The following IL33 variants were observed in gnomAD, a reference collection of about 807,000 sequenced individuals.
IL33 encodes the protein interleukin-33.
IL33 carries 37 observed loss-of-function variants against 27.3 expected under a neutral mutation model. That is an observed-to-expected ratio of 1.36 (90% CI 1.04 to 1.78). The LOEUF (loss-of-function observed/expected upper bound fraction) is 1.78. IL33 is among the 40% of genes most tolerant of loss of function. The pLI, the probability that IL33 is intolerant of heterozygous loss-of-function variation, is 0.00. For missense variants in IL33, 406 were observed against 311.4 expected (o/e 1.30, Z -2.29); for synonymous variants, 132 against 102.9 (o/e 1.28, Z -1.71).
Position 6,253,594 on chromosome 9 carries a change from A to G in IL33, c.512A>G (p.Asn171Ser). The change falls in exon 6 of 8, where the codon AAT becomes AGT. Residue 171 changes from asparagine to serine, a missense_variant. Transcript: ENST00000682010. ...TACTATGAGTCTCAACACCCCTCAA[A>G]TGAATCAGGTAATTTGGAGGGCTGG... Reference protein sequence around the residue: ...LSYYESQHPSNESGDGVDGKM... With the variant: ...LSYYESQHPSSESGDGVDGKM... 6.2e-7 allele frequency: 1 copy of G among 1,607,750 alleles called. No homozygotes were observed. The highest frequency in any genetic ancestry group is 8.5e-7 in the Non-Finnish European group (1 of 1,175,422).
chr9:6,252,066 C>A (rs925529431), intron 4 of IL33, among the ~76,000 whole-genome samples: 1,768 of 59,452 alleles, frequency 0.03, 157 homozygotes, highest in Admixed American at 0.042. Context: ...CAAAAAAAAA[C>A]CCAACAAAAA....
Position 6,242,641 on chromosome 9 carries a change from T to G in IL33, c.91+856T>G, listed in dbSNP as rs78942635. 5.4e-4 allele frequency: 82 copies of G among 152,304 alleles called. 1 individual carries two copies. The highest frequency in any genetic ancestry group is 1.9e-3 in the African/African-American group (78 of 41,576). 9.4% of individuals were successfully genotyped at this position (152,304 alleles called of 1,614,324 possible). A position where few individuals can be genotyped will look rare whatever the true frequency, so the allele number is the denominator to read the frequency against. On this transcript the variant is annotated intron_variant, in intron 2 of 7. Coordinates refer to ENST00000682010, the MANE Select transcript of IL33 (RefSeq NM_033439.4). Reference sequence around the variant, plus strand: ...ATTTTATCAATGAAAATACCACTACTAAAAACATAAATAGAATGATGTCTT... The same window carrying G: ...ATTTTATCAATGAAAATACCACTACGAAAAACATAAATAGAATGATGTCTT...
chr9:6,223,290 T>C (rs1383823137), intron 1 of IL33, among the ~76,000 whole-genome samples: 1 of 152,126 alleles, frequency 6.6e-6, no homozygotes, highest in Non-Finnish European at 1.5e-5. Context: ...AACACAAAAA[T>C]TTTTTGTAAA....
intron 1 of IL33, among the ~76,000 whole-genome samples, chr9:6,224,779 C>T (rs754848361): frequency 1.3e-5 from 2 of 152,114 alleles, no homozygotes; most frequent in East Asian, 1.9e-4. Flanking sequence ...TTTGATATAT[C>T]GGCATTACCT....
At chr9:6,226,395 T>C (rs557687311) in intron 1 of IL33, among the ~76,000 whole-genome samples, 2 of 152,264 alleles carry the variant, frequency 1.3e-5, no homozygotes, top group East Asian at 3.9e-4. Context: ...TTCTGGAATG[T>C]TGTCAGCCAT....
chr9:6,234,938 CA>C (rs1351301276), intron 1 of IL33, among the ~76,000 whole-genome samples: 1 of 152,190 alleles, frequency 6.6e-6, no homozygotes, highest in Non-Finnish European at 1.5e-5. Context: ...CTGGTCCCAA[CA>C]TAACATGTGA....
Position 6,254,459 on chromosome 9 carries a change from A to G in IL33, c.521-3A>G. The G allele has an allele frequency of 2.6e-6, 4 of 1,556,504 alleles. No homozygotes were observed. The highest frequency in any genetic ancestry group is 3.5e-6 in the Non-Finnish European group (4 of 1,145,284). On this transcript the variant is annotated splice_region_variant and splice_polypyrimidine_tract_variant and intron_variant, in intron 6 of 7. Transcript: ENST00000682010. ...TTATCATTTATACTTTCTTAATTGTAAGGTGACGGTGTTGATGGTAAGATG... is the reference window on the plus strand; with the variant it reads ...TTATCATTTATACTTTCTTAATTGTGAGGTGACGGTGTTGATGGTAAGATG...
intron 2 of IL33, 26 bp from the exon 3 acceptor site, chr9:6,250,448 G>A: frequency 6.2e-7 from 1 of 1,609,312 alleles, no homozygotes; most frequent in South Asian, 1.1e-5. Flanking sequence ...GAATGAAACA[G>A]TCTCACAAGT....
At chr9:6,224,467 C>A (rs1364145435) in intron 1 of IL33, among the ~76,000 whole-genome samples, 1 of 152,132 alleles carries the variant, frequency 6.6e-6, no homozygotes, top group African/African-American at 2.4e-5. Context: ...AAACAAACAG[C>A]AAATCAGCTG....
In IL33 at chr9:6,253,584, C is replaced by CA. The variant is rs761299186; in HGVS notation, c.503dup (p.His168GlnfsTer5). On this transcript the variant is annotated frameshift_variant, in exon 6 of 8. Transcript: ENST00000682010. LOFTEE classifies it high-confidence loss of function. ...GTTACTGAGTTACTATGAGTCTCAA[C>CA]ACCCCTCAAATGAATCAGGTAATTT... 3 of 1,608,776 alleles carry CA rather than the reference C, an allele frequency of 1.9e-6. No individual in the cohort carries two copies. The African/African-American group carries it at 4.0e-5, about 22-fold the overall frequency.
rs536635596 is a variant in IL33, at chr9:6,234,040, T to C, written c.-11-7644T>C. 2.6e-5 allele frequency among the ~76,000 whole-genome samples: 4 copies of C among 152,342 alleles called. No homozygotes were observed. The East Asian group carries it at 7.7e-4, about 29-fold the overall frequency. On this transcript the variant is annotated intron_variant, in intron 1 of 7. Transcript: ENST00000682010. ...AGACAGTGTTCTCTCTTAGCCTTCATAATATGAACTCTTCTTTTTTCTGCT... is the reference window on the plus strand; with the variant it reads ...AGACAGTGTTCTCTCTTAGCCTTCACAATATGAACTCTTCTTTTTTCTGCT...
At chr9:6,246,828 A>T (rs113345418) in intron 2 of IL33, among the ~76,000 whole-genome samples, 4 of 152,262 alleles carry the variant, frequency 2.6e-5, no homozygotes, top group African/African-American at 9.6e-5. Context: ...GGACTTCTCA[A>T]CCTCCAGAAC....
chr9:6,251,283 G>T lies in IL33; in HGVS notation c.343+18G>T, dbSNP rs2130427614. 3 of 1,611,788 alleles carry T rather than the reference G, an allele frequency of 1.9e-6. No homozygotes were observed. ...TATCACAGGTATGACTGGTTACAGG[G>T]GTGATGTGGGAGTGAGGAGGGAGGT... On this transcript the variant is annotated intron_variant, in intron 4 of 7. Coordinates refer to ENST00000682010, the MANE Select transcript of IL33 (RefSeq NM_033439.4).
At chr9:6,242,470 T>C (rs1174365570) in intron 2 of IL33, 1 of 152,212 alleles carries the variant, frequency 6.6e-6, no homozygotes, top group Non-Finnish European at 1.5e-5. Context: ...ACCATCAGCA[T>C]TGTCTATTTC....
chr9:6,247,024 C>G (rs113591010), intron 2 of IL33, among the ~76,000 whole-genome samples: 4 of 152,082 alleles, frequency 2.6e-5, no homozygotes, highest in African/African-American at 9.6e-5. Context: ...GTAGCTGGGT[C>G]AAAATGACTT....
In IL33 at chr9:6,252,721, T is replaced by C. The variant is rs58109468; in HGVS notation, c.344-145T>C. On this transcript the variant is annotated intron_variant, in intron 4 of 7. Transcript: ENST00000682010. ...GTCACATCTCAGCCTTTTAGCTATG[T>C]AAAACTTGTATCAAAGGCTTTAATC... is the stretch of plus-strand genomic sequence containing the variant. The C allele has an allele frequency of 0.018, 16,263 of 910,088 alleles. 1,711 individuals are homozygous for C. The African/African-American group carries it at 0.23, about 13-fold the overall frequency. The allele number at this position is 910,088 out of a possible 1,614,324, so 56.4% of individuals were successfully genotyped here. A position where few individuals can be genotyped will look rare whatever the true frequency, so the allele number is the denominator to read the frequency against.
Position 6,252,068 on chromosome 9 carries a change from C to CAAAAAA in IL33, c.344-796_344-795insAAAAAA, listed in dbSNP as rs1564073279. Among the ~76,000 whole-genome samples the CAAAAAA allele has an allele frequency of 4.0e-5, 3 of 74,844 alleles. 1 individual carries two copies. The highest frequency in any genetic ancestry group is 7.8e-5 in the Non-Finnish European group (3 of 38,226). 49.1% of individuals were successfully genotyped at this position (74,844 alleles called of 152,430 possible). ...ACAAACAAACAAACAAAAAAAAACCCAACAAAAAACAAAACAAAACAAAAA... is the reference window on the plus strand; with the variant it reads ...ACAAACAAACAAACAAAAAAAAACCCAAAAAAAACAAAAAACAAAACAAAACAAAAA... On this transcript the variant is annotated intron_variant, in intron 4 of 7. Coordinates refer to ENST00000682010, the MANE Select transcript of IL33 (RefSeq NM_033439.4).
chr9:6,228,730 C>T (rs1818775058), intron 1 of IL33, among the ~76,000 whole-genome samples: 1 of 151,830 alleles, frequency 6.6e-6, no homozygotes, highest in African/African-American at 2.4e-5. Context: ...TGGCACACAC[C>T]TGTATTCCTA....
chr9:6,249,807 A>G (rs541976392), intron 2 of IL33, among the ~76,000 whole-genome samples: 1 of 152,342 alleles, frequency 6.6e-6, no homozygotes, highest in African/African-American at 2.4e-5. Flanking sequence ...CCCATCTTGC[A>G]AGATTATTAT....
Sources: allele counts gnomAD v4.1 joint callset (sites outside exome capture counted in the v4.1 genomes callset), GRCh38; gene constraint gnomAD v4.1.1; transcripts MANE v1.5; gene names NCBI Gene and HGNC (gene_info 2026-07-23, HGNC 2026-07-21).